ANKRD17: variants seen among roughly 807,000 people sequenced by gnomAD.
ANKRD17 encodes the protein ankyrin repeat domain-containing protein 17.
Under a neutral mutation model 229.7 loss-of-function variants are expected in ANKRD17, and 19 were observed. The observed-to-expected ratio is 0.08, with a 90% CI of 0.06 to 0.12. The LOEUF is 0.12. Among genes scored for constraint, ANKRD17 ranks in the 10% least tolerant of loss-of-function variants. ANKRD17 has a pLI of 1.00. For missense variants in ANKRD17, 2,176 were observed against 3,176.8 expected, an observed-to-expected ratio of 0.68 and a Z score of 7.57; for synonymous variants, 1,112 against 1,146.1, an observed-to-expected ratio of 0.97 and a Z score of 0.60.
At chr4:73,198,319 C>A (rs1738171755) in intron 1 of ANKRD17, among the ~76,000 whole-genome samples, 2 of 152,026 alleles carry the variant, frequency 1.3e-5, no homozygotes, top group South Asian at 4.2e-4. Flanking sequence ...TTAAATTATC[C>A]AAACAAATTT....
rs1046254375 is a variant in ANKRD17, at chr4:73,098,479, T to A, written c.4615A>T (p.Thr1539Ser). 2.5e-6 allele frequency: 4 copies of A among 1,613,778 alleles called. No individual in the cohort carries two copies. The highest frequency in any genetic ancestry group is 3.4e-6 in the Non-Finnish European group (4 of 1,179,970). Residue 1539 changes from threonine to serine, a missense_variant, in exon 26 of 34, where the codon ACT becomes TCT. By Grantham distance (58) the Thr-to-Ser change is moderately conservative (BLOSUM62 1). This residue lies in a region of ANKRD17 where 105 missense variants were observed against 118.3 expected (regional missense o/e 0.89). Coordinates refer to ENST00000358602, the MANE Select transcript of ANKRD17 (RefSeq NM_032217.5). The part of the protein sequence containing the change: ...VLTEPPSATT[T>S]TTIGISATWT... ...GTTGCAGATATACCTATGGTAGTAG[T>A]GGTTGTGGCACTTGGAGGTTCTGTC...
At chr4:73,192,764 T>C (rs1737309638) in intron 1 of ANKRD17, among the ~76,000 whole-genome samples, 1 of 152,180 alleles carries the variant, frequency 6.6e-6, no homozygotes, top group South Asian at 2.1e-4. Context: ...CATCTGAAAG[T>C]ATGCATATGC....
At chr4:73,169,089 T>G (rs376502109) in intron 2 of ANKRD17, 5 of 152,356 alleles carry the variant, frequency 3.3e-5, no homozygotes, top group African/African-American at 1.2e-4. Flanking sequence ...GCATCCATGT[T>G]GCTGCAAAGG....
At chr4:73,146,703 C>T in intron 10 of ANKRD17, 61 bp downstream of exon 10, 1 of 1,226,746 alleles carries the variant, frequency 8.2e-7, no homozygotes, top group Non-Finnish European at 1.1e-6. Flanking sequence ...CTAGACTCTC[C>T]ATAATTTAAA....
At position 73,189,403 on chromosome 4, in the gene ANKRD17, G is replaced by GCT. The variant is rs71935426; in HGVS notation, c.394-11871_394-11870insAG. Among the ~76,000 whole-genome samples, 26 of 112,692 alleles carry GCT rather than the reference G, an allele frequency of 2.3e-4. No individual in the cohort carries two copies. The South Asian group carries it at 3.4e-3, about 15-fold the overall frequency. The allele number at this position is 112,692 out of a possible 152,430, so 73.9% of individuals were successfully genotyped here. A position where few individuals can be genotyped will look rare whatever the true frequency, so the allele number is the denominator to read the frequency against. ...ACGGTGATATTCCTCTGCCTGGAAT[G>GCT]TTTTTTTTTTTTTTTTTTTTGAAAC... On this transcript the variant is annotated intron_variant, in intron 1 of 33. Coordinates refer to ENST00000358602, the MANE Select transcript of ANKRD17 (RefSeq NM_032217.5).
Position 73,090,970 on chromosome 4 carries a change from G to A in ANKRD17, c.6658C>T (p.Leu2220=). 1 of 1,614,238 alleles carries A rather than the reference G, an allele frequency of 6.2e-7. No homozygotes were observed. The highest frequency in any genetic ancestry group is 8.5e-7 in the Non-Finnish European group (1 of 1,180,048). The part of the protein sequence containing the change: ...RPHSVPSSVQ[L]PSTLSTQSAC... ...CTTTGTGTACTTAAGGTCGAAGGTA[G>A]CTGGACAGAAGAGGGAACACTGTGA... The change falls in exon 29 of 34, where the codon CTA becomes TTA. Residue 2220 remains leucine, a synonymous_variant. Transcript: ENST00000358602.
intron 1 of ANKRD17, among the ~76,000 whole-genome samples, chr4:73,182,096 AAAAG>A (rs1441220997): frequency 6.7e-6 from 1 of 149,486 alleles, no homozygotes; most frequent in African/African-American, 2.5e-5. Context: ...AAAAAAATTT[AAAAG>A]AAAGTATTCG....
chr4:73,230,402 T>C (rs559608280), intron 1 of ANKRD17, among the ~76,000 whole-genome samples: 5 of 152,150 alleles, frequency 3.3e-5, no homozygotes, highest in Non-Finnish European at 7.4e-5. Context: ...AGATCATCAT[T>C]AGCATTTTGA....
intron 1 of ANKRD17, among the ~76,000 whole-genome samples, chr4:73,234,188 T>C (rs962802145): frequency 6.6e-6 from 1 of 152,286 alleles, no homozygotes; most frequent in South Asian, 2.1e-4. Context: ...ATGCAGACAG[T>C]TCCTCCTCTT....
At chr4:73,159,958 T>C (rs1421195652) in intron 3 of ANKRD17, among the ~76,000 whole-genome samples, 4 of 152,160 alleles carry the variant, frequency 2.6e-5, no homozygotes, top group Non-Finnish European at 4.4e-5. Context: ...ACCTCTCTTT[T>C]ATGCTCTTAA....
chr4:73,233,279 A>AC (rs2149245280), intron 1 of ANKRD17, among the ~76,000 whole-genome samples: 1 of 151,850 alleles, frequency 6.6e-6, no homozygotes, highest in Admixed American at 6.6e-5. Flanking sequence ...ACGAGCACTG[A>AC]CCCCTTCGTT....
Position 73,090,967 on chromosome 4 carries a change from G to A in ANKRD17, c.6661C>T (p.Pro2221Ser). ...GCACTTTGTGTACTTAAGGTCGAAGGTAGCTGGACAGAAGAGGGAACACTG... is the reference window on the plus strand; with the variant it reads ...GCACTTTGTGTACTTAAGGTCGAAGATAGCTGGACAGAAGAGGGAACACTG... Reference protein sequence around the residue: ...PHSVPSSVQLPSTLSTQSACQ... With the variant: ...PHSVPSSVQLSSTLSTQSACQ... The change falls in exon 29 of 34, where the codon CCT becomes TCT. Residue 2221 changes from proline (P) to serine (S), a missense_variant. Around this residue, in one of 18 missense-constraint regions of ANKRD17, gnomAD observed 424 missense variants for 454.0 expected, o/e 0.93. Transcript: ENST00000358602. 1 of 1,614,228 alleles carries A rather than the reference G, an allele frequency of 6.2e-7. No homozygotes were observed. Among genetic ancestry groups the A allele is most frequent in the Non-Finnish European group, 8.5e-7 (1 of 1,180,050 alleles).
At chr4:73,173,001 C>T (rs1232501439) in intron 2 of ANKRD17, among the ~76,000 whole-genome samples, 1 of 152,062 alleles carries the variant, frequency 6.6e-6, no homozygotes. Flanking sequence ...AGGACTACAA[C>T]CAAAACACAT....
At chr4:73,128,311 G>A (rs1400434596) in intron 16 of ANKRD17, among the ~76,000 whole-genome samples, 1 of 152,206 alleles carries the variant, frequency 6.6e-6, no homozygotes, top group Non-Finnish European at 1.5e-5. Context: ...AGCAGATTGT[G>A]CTGAATATAA....
chr4:73,082,093 T>C (rs1721626139), intron 30 of ANKRD17, among the ~76,000 whole-genome samples: 1 of 147,176 alleles, frequency 6.8e-6, no homozygotes, highest in African/African-American at 2.5e-5. Context: ...GAGGTTACAG[T>C]GAGCCAAGAT....
Position 73,125,244 on chromosome 4 carries a change from T to C in ANKRD17, c.3303A>G (p.Thr1101=). The C allele has an allele frequency of 6.2e-7, 1 of 1,614,066 alleles. No homozygotes were observed. The highest frequency in any genetic ancestry group is 1.7e-5 in the Admixed American group (1 of 60,006). The change falls in exon 17 of 34, where the codon ACA becomes ACG. Residue 1101 remains threonine, a synonymous_variant. Transcript: ENST00000358602. ...CAGGHEELVQ[T]LLERGASIEH... ...CTATACTAGCTCCTCTCTCTAGCAG[T>C]GTTTGTACCAGTTCCTCGTGGCCAC...
Position 73,098,159 on chromosome 4 carries a change from G to C in ANKRD17, c.4935C>G (p.Thr1645=), listed in dbSNP as rs1723532707. 1 of 1,614,086 alleles carries C rather than the reference G, an allele frequency of 6.2e-7. No individual in the cohort carries two copies. The highest frequency in any genetic ancestry group is 1.1e-5 in the South Asian group (1 of 91,090). ...SDNHSPAVVT[T]TVSSKKQPSV... is the part of the protein sequence containing the mutation. Reference sequence around the variant, plus strand: ...ATGGCTGCTTTTTGCTGCTCACAGTGGTAGTGACCACAGCTGGTGAATGAT... The same window carrying C: ...ATGGCTGCTTTTTGCTGCTCACAGTCGTAGTGACCACAGCTGGTGAATGAT... Residue 1645 remains threonine (T), a synonymous_variant, in exon 26 of 34, where the codon ACC becomes ACG. Coordinates refer to ENST00000358602, the MANE Select transcript of ANKRD17 (RefSeq NM_032217.5).
At chr4:73,237,706 G>A (rs932373754) in intron 1 of ANKRD17, among the ~76,000 whole-genome samples, 2 of 152,150 alleles carry the variant, frequency 1.3e-5, no homozygotes, top group African/African-American at 4.8e-5. Context: ...GCCTATAGCA[G>A]AGACGCCATA....
chr4:73,197,314 T>C (rs992793259), intron 1 of ANKRD17, among the ~76,000 whole-genome samples: 2 of 152,192 alleles, frequency 1.3e-5, no homozygotes, highest in African/African-American at 4.8e-5. Context: ...TGTGCTATCA[T>C]GCAATAAATG....
Sources: gnomAD v4.1 joint callset for allele counts (sites outside exome capture counted in the v4.1 genomes callset) on GRCh38, gnomAD v4.1.1 for gene constraint, gnomAD v4.1.1 regional missense constraint, MANE v1.5 for transcripts, NCBI Gene and HGNC (gene_info 2026-07-23, HGNC 2026-07-21) for gene names.